The following SORCS1 variants were observed in gnomAD, a reference collection of about 807,000 sequenced individuals.
SORCS1 encodes the protein sortilin related VPS10 domain containing receptor 1.
Under a neutral mutation model 146.1 loss-of-function variants are expected in SORCS1, and 60 were observed. The observed-to-expected ratio is 0.41, with a 90% CI of 0.33 to 0.51. The LOEUF (loss-of-function observed/expected upper bound fraction) is 0.51. SORCS1 is among the 20% of genes least tolerant of loss of function. The probability of loss-of-function intolerance (pLI) is 0.21; values close to 1 mark genes in which losing one functional copy is unlikely to be tolerated. For synonymous variants in SORCS1, 637 were observed against 584.0 expected, an observed-to-expected ratio of 1.09 and a Z score of -1.31; for missense variants, 1,352 against 1,487.6, an observed-to-expected ratio of 0.91 and a Z score of 1.50.
intron 1 of SORCS1, among the ~76,000 whole-genome samples, chr10:107,074,505 A>G (rs1176389508): frequency 6.6e-6 from 1 of 152,226 alleles, no homozygotes; most frequent in Non-Finnish European, 1.5e-5. Flanking sequence ...TGCTATAAAC[A>G]GTGGTGTACA....
At chr10:107,130,184 C>G (rs1369856315) in intron 1 of SORCS1, among the ~76,000 whole-genome samples, 1 of 152,120 alleles carries the variant, frequency 6.6e-6, no homozygotes, top group African/African-American at 2.4e-5. Flanking sequence ...AGTCAAACCA[C>G]CAATAATGAG....
At chr10:106,742,426 C>CTGGA (rs1384118010) in intron 5 of SORCS1, among the ~76,000 whole-genome samples, 2 of 152,122 alleles carry the variant, frequency 1.3e-5, no homozygotes, top group Non-Finnish European at 2.9e-5. Context: ...GTTGCCCAGG[C>CTGGA]TGGAGTACAG....
At chr10:106,976,341 T>TG (rs1554901393) in intron 1 of SORCS1, among the ~76,000 whole-genome samples, 19 of 140,988 alleles carry the variant, frequency 1.3e-4, no homozygotes, top group African/African-American at 4.7e-4. Context: ...TTGTTTTTTT[T>TG]TTTTTTTTGA....
At chr10:106,849,357 C>T (rs1426291843) in intron 2 of SORCS1, among the ~76,000 whole-genome samples, 1 of 149,600 alleles carries the variant, frequency 6.7e-6, no homozygotes, top group South Asian at 2.2e-4. Flanking sequence ...TGCTGATACC[C>T]TTTCTTCCAG....
intron 5 of SORCS1, among the ~76,000 whole-genome samples, chr10:106,736,888 TA>T (rs1319124036): frequency 2.6e-5 from 4 of 152,144 alleles, no homozygotes; most frequent in African/African-American, 9.7e-5. Context: ...AACAGACAGA[TA>T]AAAACAATGC....
At chr10:106,886,306 T>A (rs1418688162) in intron 2 of SORCS1, among the ~76,000 whole-genome samples, 1 of 152,064 alleles carries the variant, frequency 6.6e-6, no homozygotes, top group Non-Finnish European at 1.5e-5. Flanking sequence ...ACCCTCTTTC[T>A]CTGTATTGAT....
intron 18 of SORCS1, among the ~76,000 whole-genome samples, chr10:106,648,055 T>A (rs1374236615): frequency 6.6e-6 from 1 of 152,026 alleles, no homozygotes; most frequent in Non-Finnish European, 1.5e-5. Flanking sequence ...TATTTTTATT[T>A]TTTTGGTAGT....
At chr10:107,106,761 T>C (rs979660651) in intron 1 of SORCS1, among the ~76,000 whole-genome samples, 3 of 152,130 alleles carry the variant, frequency 2.0e-5, no homozygotes, top group Non-Finnish European at 4.4e-5. Flanking sequence ...CCTGGCATGA[T>C]GGTGTTTAGA....
intron 1 of SORCS1, among the ~76,000 whole-genome samples, chr10:107,050,273 G>A (rs1480671115): frequency 6.6e-6 from 1 of 152,092 alleles, no homozygotes; most frequent in Non-Finnish European, 1.5e-5. Flanking sequence ...ACTTTCTAGG[G>A]CTGACAGGTT....
intron 9 of SORCS1, among the ~76,000 whole-genome samples, chr10:106,690,540 G>A (rs984519599): frequency 2.6e-5 from 4 of 152,154 alleles, no homozygotes; most frequent in Admixed American, 6.5e-5. Context: ...ATTGGCCCCC[G>A]ACTGCTTGGC....
At chr10:106,928,104 C>T (rs4614368) in intron 2 of SORCS1, among the ~76,000 whole-genome samples, 117,193 of 152,260 alleles carry the variant, frequency 0.77, 47,824 homozygotes, top group Non-Finnish European at 0.92. Context: ...GCCGTGCACC[C>T]GCACTCCTCA....
intron 2 of SORCS1, among the ~76,000 whole-genome samples, chr10:106,911,832 A>G (rs2138245805): frequency 6.6e-6 from 1 of 152,116 alleles, no homozygotes; most frequent in East Asian, 1.9e-4. Context: ...CTGCTCAGGG[A>G]CTGGGTGTGG....
intron 1 of SORCS1, among the ~76,000 whole-genome samples, chr10:107,152,719 C>T (rs754365069): frequency 1.8e-4 from 28 of 152,074 alleles, no homozygotes; most frequent in South Asian, 8.3e-4. Context: ...GCCTCACTGG[C>T]GACACCGAAC....
intron 3 of SORCS1, among the ~76,000 whole-genome samples, chr10:106,801,925 T>C (rs1480691995): frequency 6.6e-6 from 1 of 152,186 alleles, no homozygotes; most frequent in African/African-American, 2.4e-5. Flanking sequence ...CAAACCAGGA[T>C]TGAATGTAGT....
At chr10:106,947,461 G>C (rs1162113193) in intron 2 of SORCS1, among the ~76,000 whole-genome samples, 1 of 152,192 alleles carries the variant, frequency 6.6e-6, no homozygotes, top group Non-Finnish European at 1.5e-5. Context: ...TCAGAGAATA[G>C]TCAGGAGCCA....
intron 6 of SORCS1, among the ~76,000 whole-genome samples, chr10:106,724,180 T>C (rs1452970911): frequency 6.6e-6 from 1 of 152,142 alleles, no homozygotes; most frequent in Non-Finnish European, 1.5e-5. Flanking sequence ...CCCTTACAAT[T>C]GAAAGTAATC....
intron 2 of SORCS1, among the ~76,000 whole-genome samples, chr10:106,887,302 T>A (rs1951037455): frequency 6.6e-6 from 1 of 152,214 alleles, no homozygotes; most frequent in African/African-American, 2.4e-5. Flanking sequence ...TATCACTATT[T>A]GAACTTAGCA....
intron 2 of SORCS1, among the ~76,000 whole-genome samples, chr10:106,900,858 G>A (rs1003854859): frequency 5.9e-5 from 9 of 152,160 alleles, no homozygotes; most frequent in South Asian, 4.1e-4. Flanking sequence ...ACAGATGAGG[G>A]AGCTGAGGCA....
At chr10:106,658,460 G>A (rs959366498) in intron 17 of SORCS1, among the ~76,000 whole-genome samples, 2 of 152,054 alleles carry the variant, frequency 1.3e-5, no homozygotes, top group African/African-American at 4.8e-5. Flanking sequence ...ATTGAGCAAC[G>A]GTGGTCCTCA....
Sources: gnomAD v4.1 joint callset for allele counts (sites outside exome capture counted in the v4.1 genomes callset) on GRCh38, gnomAD v4.1.1 for gene constraint, MANE v1.5 for transcripts, NCBI Gene and HGNC (gene_info 2026-07-23, HGNC 2026-07-21) for gene names.